Variants in DGKB observed in about 807,000 individuals in gnomAD.
DGKB encodes the protein 90 kDa diacylglycerol kinase.
In DGKB, 67 loss-of-function variants were observed where a neutral mutation model predicts 114.3. The ratio of observed to expected loss-of-function variants is 0.59; its 90% CI spans 0.48 to 0.72. The LOEUF (loss-of-function observed/expected upper bound fraction) is 0.72, where lower values mean the gene tolerates loss of function less well. Ranked by LOEUF, DGKB falls within the 30% of genes least tolerant of loss-of-function variation. The pLI is 0.00. For synonymous variants in DGKB, 398 were observed against 323.1 expected (o/e 1.23, Z -2.49); for missense variants, 907 against 975.2 (o/e 0.93, Z 0.93).
chr7:14,585,791 A>C (rs1051337933), intron 17 of DGKB, among the ~76,000 whole-genome samples: 1 of 152,132 alleles, frequency 6.6e-6, no homozygotes, highest in African/African-American at 2.4e-5. Flanking sequence ...GCAATATTTC[A>C]AGCTTTTTCA....
At chr7:14,561,252 T>A (rs1796616600) in intron 20 of DGKB, among the ~76,000 whole-genome samples, 1 of 152,152 alleles carries the variant, frequency 6.6e-6, no homozygotes, top group Non-Finnish European at 1.5e-5. Flanking sequence ...CCATGTAAGA[T>A]GTGGCTTTGT....
At chr7:14,439,017 T>A (rs1278450979) in intron 21 of DGKB, among the ~76,000 whole-genome samples, 1 of 152,024 alleles carries the variant, frequency 6.6e-6, no homozygotes, top group African/African-American at 2.4e-5. Flanking sequence ...TTCAAGTTTT[T>A]TCCAAGTTTC....
At chr7:14,176,639 G>GTTTGTGTT in intron 25 of DGKB, 200 bp downstream of exon 25, 2 of 1,309,010 alleles carry the variant, frequency 1.5e-6, no homozygotes, top group Non-Finnish European at 1.9e-6. Flanking sequence ...AAACATTCAA[G>GTTTGTGTT]AGCTAAATCA....
At chr7:14,724,823 C>T (rs764949526) in intron 5 of DGKB, among the ~76,000 whole-genome samples, 2 of 152,172 alleles carry the variant, frequency 1.3e-5, no homozygotes, top group Non-Finnish European at 2.9e-5. Flanking sequence ...AAACTTTGGA[C>T]TCTTTTTAAA....
chr7:14,353,806 C>A (rs1001523154), intron 21 of DGKB, among the ~76,000 whole-genome samples: 1 of 152,160 alleles, frequency 6.6e-6, no homozygotes, highest in African/African-American at 2.4e-5. Context: ...TAGAGAATTT[C>A]TGTTCACCAT....
chr7:14,750,881 G>A (rs1419589684), intron 4 of DGKB, among the ~76,000 whole-genome samples: 1 of 131,632 alleles, frequency 7.6e-6, no homozygotes, highest in Admixed American at 9.4e-5. Flanking sequence ...TCGGTTCACT[G>A]CAACCTCCAC....
At chr7:14,577,071 T>A (rs1212570429) in intron 19 of DGKB, among the ~76,000 whole-genome samples, 2 of 152,156 alleles carry the variant, frequency 1.3e-5, no homozygotes, top group African/African-American at 4.8e-5. Context: ...AAGAAGATCA[T>A]GATTTTAAAA....
chr7:14,743,220 C>G (rs914716041), intron 4 of DGKB, among the ~76,000 whole-genome samples: 3 of 152,068 alleles, frequency 2.0e-5, no homozygotes, highest in African/African-American at 4.8e-5. Flanking sequence ...AAATTTGGCT[C>G]TCTCTCTCCC....
chr7:14,689,357 A>C (rs1174842350), intron 9 of DGKB, among the ~76,000 whole-genome samples: 1 of 151,802 alleles, frequency 6.6e-6, no homozygotes, highest in Admixed American at 6.6e-5. Flanking sequence ...TTGTATTTTT[A>C]GTAGAGACGG....
intron 21 of DGKB, among the ~76,000 whole-genome samples, chr7:14,413,418 T>C (rs1215301597): frequency 6.6e-6 from 1 of 152,164 alleles, no homozygotes; most frequent in Non-Finnish European, 1.5e-5. Context: ...ATTTAAATTA[T>C]TTTCAAAATA....
At chr7:14,600,625 T>C (rs902432344) in intron 17 of DGKB, among the ~76,000 whole-genome samples, 1 of 152,096 alleles carries the variant, frequency 6.6e-6, no homozygotes, top group Admixed American at 6.6e-5. Flanking sequence ...TGGTGTACGA[T>C]AGAATGGACA....
intron 23 of DGKB, among the ~76,000 whole-genome samples, chr7:14,203,613 GA>G (rs1335148826): frequency 6.6e-6 from 1 of 151,964 alleles, no homozygotes; most frequent in Non-Finnish European, 1.5e-5. Flanking sequence ...ATGCATAACT[GA>G]AGGGGTCACC....
chr7:14,527,169 C>A (rs1335734400), intron 20 of DGKB, among the ~76,000 whole-genome samples: 1 of 151,940 alleles, frequency 6.6e-6, no homozygotes, highest in Non-Finnish European at 1.5e-5. Flanking sequence ...AAGTGTTATG[C>A]CTATAATTGA....
intron 23 of DGKB, chr7:14,191,102 G>T: frequency 6.2e-6 from 1 of 161,622 alleles, no homozygotes; most frequent in South Asian, 1.8e-4. Flanking sequence ...CGAAAAACGT[G>T]AATACAGCCA....
intron 1 of DGKB, among the ~76,000 whole-genome samples, chr7:14,961,052 C>G (rs2115269995): frequency 6.6e-6 from 1 of 151,998 alleles, no homozygotes; most frequent in Non-Finnish European, 1.5e-5. Flanking sequence ...ATGAGGTGGA[C>G]TGACTAAGGA....
chr7:14,615,461 T>A (rs1444463589), intron 15 of DGKB, among the ~76,000 whole-genome samples: 3 of 151,840 alleles, frequency 2.0e-5, no homozygotes, highest in Admixed American at 6.6e-5. Flanking sequence ...TTAAGTTATA[T>A]ACTGTTATGA....
intron 3 of DGKB, among the ~76,000 whole-genome samples, chr7:14,755,516 A>G (rs1329832309): frequency 1.3e-5 from 2 of 152,148 alleles, no homozygotes; most frequent in South Asian, 2.1e-4. Context: ...TTTTTCTTGT[A>G]TAATTCAGCA....
At chr7:14,472,007 G>C (rs1444215266) in intron 21 of DGKB, among the ~76,000 whole-genome samples, 1 of 152,096 alleles carries the variant, frequency 6.6e-6, no homozygotes, top group Non-Finnish European at 1.5e-5. Flanking sequence ...AATAAGCTGC[G>C]TGGATTTAAA....
chr7:14,429,857 G>T (rs1179431591), intron 21 of DGKB, among the ~76,000 whole-genome samples: 3 of 152,086 alleles, frequency 2.0e-5, no homozygotes, highest in Non-Finnish European at 4.4e-5. Context: ...GACCCGGAAG[G>T]CGGAGGTTGT....
Sources: allele counts gnomAD v4.1 joint callset (sites outside exome capture counted in the v4.1 genomes callset), GRCh38; gene constraint gnomAD v4.1.1; transcripts MANE v1.5; gene names NCBI Gene and HGNC (gene_info 2026-07-23, HGNC 2026-07-21).